The following MACROD2 variants were observed in gnomAD, a reference collection of about 807,000 sequenced individuals.
The protein encoded by MACROD2 is ADP-ribose glycohydrolase MACROD2.
A neutral mutation model predicts 70.4 loss-of-function variants in MACROD2; 36 were observed. The observed-to-expected ratio is 0.51, with a 90% CI of 0.39 to 0.68. The LOEUF (loss-of-function observed/expected upper bound fraction) is 0.68. Among genes scored for constraint, MACROD2 ranks in the 30% least tolerant of loss-of-function variants. MACROD2 has a pLI of 0.00. For synonymous variants in MACROD2, 172 were observed against 178.8 expected (o/e 0.96, Z 0.30); for missense variants, 496 against 538.4 (o/e 0.92, Z 0.78).
intron 7 of MACROD2, among the ~76,000 whole-genome samples, chr20:15,477,124 A>G (rs1166138645): frequency 1.7e-5 from 2 of 118,824 alleles, no homozygotes; most frequent in Non-Finnish European, 3.4e-5. Flanking sequence ...TTTTTGAGAC[A>G]GGGCCTCACT....
At chr20:15,105,352 C>T (rs1461506298) in intron 5 of MACROD2, among the ~76,000 whole-genome samples, 4 of 152,128 alleles carry the variant, frequency 2.6e-5, no homozygotes, top group African/African-American at 9.7e-5. Context: ...CCTTGCCTAT[C>T]ATTGCCTCTG....
At chr20:14,027,563 C>A (rs1422987288) in intron 2 of MACROD2, among the ~76,000 whole-genome samples, 3 of 152,052 alleles carry the variant, frequency 2.0e-5, no homozygotes, top group African/African-American at 7.2e-5. Flanking sequence ...GAATTTTCAG[C>A]CTTTTTGCAT....
chr20:15,478,397 T>C (rs2047050328), intron 7 of MACROD2, among the ~76,000 whole-genome samples: 1 of 152,180 alleles, frequency 6.6e-6, no homozygotes, highest in South Asian at 2.1e-4. Flanking sequence ...GACAGGTCTA[T>C]ATAAAATAAG....
At chr20:15,009,612 C>T (rs1428200933) in intron 5 of MACROD2, among the ~76,000 whole-genome samples, 1 of 152,054 alleles carries the variant, frequency 6.6e-6, no homozygotes, top group Non-Finnish European at 1.5e-5. Flanking sequence ...CTAATTATCC[C>T]TCTTGGGTTT....
At chr20:15,434,331 G>GAAAA (rs34704525) in intron 7 of MACROD2, among the ~76,000 whole-genome samples, 26,613 of 147,278 alleles carry the variant, frequency 0.18, 2,671 homozygotes, top group Non-Finnish European at 0.25. Context: ...ATATCAGCAA[G>GAAAA]AAAAAAAAAA....
rs149375487 is a variant in MACROD2, at chr20:15,650,830, C to T, written c.645+150983C>T. 9.6e-3 allele frequency among the ~76,000 whole-genome samples: 1,464 copies of T among 152,234 alleles called. 31 individuals are homozygous for T. Among genetic ancestry groups the T allele is most frequent in the Non-Finnish European group, 8.9e-3 (604 of 68,020 alleles). ...ACATGTGAAACCTGAGAACCCCTTG[C>T]GCTTGCCATTCCACACCTTTTCAGA... On this transcript the variant is annotated intron_variant, in intron 8 of 17. Transcript: ENST00000684519.
chr20:15,198,412 A>G (rs2076625773), intron 5 of MACROD2, among the ~76,000 whole-genome samples: 1 of 152,202 alleles, frequency 6.6e-6, no homozygotes, highest in Non-Finnish European at 1.5e-5. Context: ...TAGAAGGCAT[A>G]ATAAAAAGCA....
intron 3 of MACROD2, among the ~76,000 whole-genome samples, chr20:14,238,657 C>T (rs754947407): frequency 1.6e-4 from 25 of 152,268 alleles, no homozygotes; most frequent in Non-Finnish European, 2.8e-4. Context: ...CCTGGAAAAT[C>T]CCACAGTCTC....
chr20:14,568,369 C>T (rs576533834), intron 4 of MACROD2, among the ~76,000 whole-genome samples: 2 of 152,040 alleles, frequency 1.3e-5, no homozygotes, highest in Non-Finnish European at 2.9e-5. Context: ...GGCAATTTGT[C>T]GCCTTTATTT....
At chr20:15,296,266 C>T (rs370032468) in intron 6 of MACROD2, among the ~76,000 whole-genome samples, 1 of 152,118 alleles carries the variant, frequency 6.6e-6, no homozygotes, top group East Asian at 1.9e-4. Flanking sequence ...GATCAAATGA[C>T]CCAGCTTTTT....
chr20:15,782,717 C>CAAAAAAA (rs11472322), intron 8 of MACROD2, among the ~76,000 whole-genome samples: 6 of 83,338 alleles, frequency 7.2e-5, no homozygotes, highest in East Asian at 7.0e-4. Context: ...AGAGAAATGG[C>CAAAAAAA]AAAAAAAAAA....
intron 11 of MACROD2, among the ~76,000 whole-genome samples, chr20:15,934,493 C>G (rs974516218): frequency 2.0e-5 from 3 of 152,012 alleles, no homozygotes; most frequent in African/African-American, 7.2e-5. Flanking sequence ...TTATCCAACC[C>G]TCCCCCACCC....
chr20:15,124,363 T>TC (rs2076051676), intron 5 of MACROD2, among the ~76,000 whole-genome samples: 1 of 150,828 alleles, frequency 6.6e-6, no homozygotes, highest in Non-Finnish European at 1.5e-5. Flanking sequence ...TTTTTTTTTT[T>TC]CTAAAAAAAA....
chr20:15,566,818 AG>A (rs2048316540), intron 8 of MACROD2, among the ~76,000 whole-genome samples: 1 of 152,200 alleles, frequency 6.6e-6, no homozygotes, highest in Admixed American at 6.5e-5. Flanking sequence ...TACTCCAAGT[AG>A]TTCTTTTCCA....
chr20:15,968,797 G>GTATATA (rs35259261), intron 13 of MACROD2, among the ~76,000 whole-genome samples: 20 of 106,786 alleles, frequency 1.9e-4, no homozygotes, highest in Non-Finnish European at 2.5e-4. Flanking sequence ...TATATTATGC[G>GTATATA]TATATATATA....
At chr20:14,836,470 G>A (rs538094724) in intron 5 of MACROD2, among the ~76,000 whole-genome samples, 1 of 152,146 alleles carries the variant, frequency 6.6e-6, no homozygotes, top group African/African-American at 2.4e-5. Context: ...AGGCAAAGGG[G>A]TCCACACAGA....
intron 3 of MACROD2, among the ~76,000 whole-genome samples, chr20:14,479,512 T>C (rs1009011932): frequency 6.6e-6 from 1 of 152,186 alleles, no homozygotes; most frequent in African/African-American, 2.4e-5. Context: ...TTCTTCCTTT[T>C]GGTGGGAGGT....
intron 8 of MACROD2, among the ~76,000 whole-genome samples, chr20:15,507,509 TTTTC>T (rs1568856241): frequency 6.6e-6 from 1 of 151,898 alleles, no homozygotes; most frequent in Non-Finnish European, 1.5e-5. Flanking sequence ...TTCTCTTCTC[TTTTC>T]TTTTTCTTTC....
At chr20:15,982,523 C>T (rs949153003) in intron 13 of MACROD2, among the ~76,000 whole-genome samples, 6 of 152,180 alleles carry the variant, frequency 3.9e-5, no homozygotes, top group African/African-American at 1.4e-4. Flanking sequence ...TTCAGAGTCA[C>T]TTTGCAGGGG....
Sources: gnomAD v4.1 joint callset for allele counts (sites outside exome capture counted in the v4.1 genomes callset) on GRCh38, gnomAD v4.1.1 for gene constraint, MANE v1.5 for transcripts, NCBI Gene and HGNC (gene_info 2026-07-23, HGNC 2026-07-21) for gene names.